Variants in LRP1B observed in about 807,000 individuals in gnomAD.
LRP1B encodes the protein low-density lipoprotein receptor-related protein 1B.
LRP1B carries 217 observed loss-of-function variants against 556.6 expected under a neutral mutation model. That is an observed-to-expected ratio of 0.39 (90% CI 0.35 to 0.44). The LOEUF (loss-of-function observed/expected upper bound fraction) is 0.44. Ranked by LOEUF, LRP1B falls within the 20% of genes least tolerant of loss-of-function variation. LRP1B has a pLI of 1.00. For synonymous variants in LRP1B, 2,047 were observed against 1,865.8 expected, an observed-to-expected ratio of 1.10 and a Z score of -2.50; for missense variants, 5,053 against 5,620.8, an observed-to-expected ratio of 0.90 and a Z score of 3.23.
chr2:141,433,391 T>C (rs764729575), intron 3 of LRP1B, among the ~76,000 whole-genome samples: 12 of 152,098 alleles, frequency 7.9e-5, no homozygotes, highest in Non-Finnish European at 1.8e-4. Context: ...AAGTGTTCTA[T>C]AGATAATTGT....
chr2:141,206,005 T>C (rs77333999), intron 6 of LRP1B, among the ~76,000 whole-genome samples: 1 of 152,136 alleles, frequency 6.6e-6, no homozygotes, highest in Non-Finnish European at 1.5e-5. Context: ...CTGGGCCTAA[T>C]GAGGCACCTT....
chr2:142,019,554 G>T (rs1388969970), intron 1 of LRP1B, among the ~76,000 whole-genome samples: 1 of 152,074 alleles, frequency 6.6e-6, no homozygotes, highest in African/African-American at 2.4e-5. Flanking sequence ...ACACTCTATT[G>T]CTTCCCACTT....
In LRP1B at chr2:141,967,964, G is replaced by C. The variant is rs150646873; in HGVS notation, c.83-157563C>G. 3.0e-3 allele frequency among the ~76,000 whole-genome samples: 450 copies of C among 151,864 alleles called. 9 individuals carry two copies. The highest frequency in any genetic ancestry group is 0.026 in the Admixed American group (397 of 15,176). On this transcript the variant is annotated intron_variant, in intron 1 of 90. Transcript: ENST00000389484. ...CCTTAGTCTTAAATTTTTAAAAAAAGTATTAAATCAGAAGAACAAAAATGT... is the reference window on the plus strand; with the variant it reads ...CCTTAGTCTTAAATTTTTAAAAAAACTATTAAATCAGAAGAACAAAAATGT...
chr2:140,407,927 C>A (rs1366843410), intron 66 of LRP1B, among the ~76,000 whole-genome samples: 2 of 151,928 alleles, frequency 1.3e-5, no homozygotes, highest in African/African-American at 4.8e-5. Flanking sequence ...TGGAACCAAT[C>A]TATGTGTCCA....
chr2:140,815,242 C>T (rs958664616), intron 31 of LRP1B, among the ~76,000 whole-genome samples: 7 of 151,998 alleles, frequency 4.6e-5, no homozygotes, highest in African/African-American at 1.4e-4. Context: ...TAATAATTCT[C>T]AACTACAGGG....
intron 84 of LRP1B, among the ~76,000 whole-genome samples, chr2:140,282,130 A>G (rs1400888309): frequency 6.6e-6 from 1 of 151,822 alleles, no homozygotes; most frequent in Non-Finnish European, 1.5e-5. Flanking sequence ...GAACTGAGGC[A>G]GTTACATTAA....
intron 1 of LRP1B, among the ~76,000 whole-genome samples, chr2:142,115,850 A>AT (rs1559080674): frequency 0.068 from 730 of 10,690 alleles, 342 homozygotes; most frequent in Non-Finnish European, 0.089. Context: ...TAATATATAT[A>AT]TATACATATA....
intron 3 of LRP1B, among the ~76,000 whole-genome samples, chr2:141,336,447 T>C (rs1687853296): frequency 6.6e-6 from 1 of 152,212 alleles, no homozygotes; most frequent in Non-Finnish European, 1.5e-5. Context: ...GTCAGAATCA[T>C]TGAAGTCTTC....
At chr2:140,577,839 G>A (rs1237371201) in intron 43 of LRP1B, among the ~76,000 whole-genome samples, 1 of 152,030 alleles carries the variant, frequency 6.6e-6, no homozygotes, top group African/African-American at 2.4e-5. Context: ...ATATATAGTG[G>A]CAGGAAAAAT....
At chr2:141,578,412 G>A (rs796112238) in intron 2 of LRP1B, among the ~76,000 whole-genome samples, 28 of 139,760 alleles carry the variant, frequency 2.0e-4, no homozygotes, top group Middle Eastern at 3.7e-3. Context: ...AAAAAAAAAA[G>A]AAAAAAAGAA....
At chr2:141,234,541 T>G (rs1359491518) in intron 5 of LRP1B, among the ~76,000 whole-genome samples, 1 of 151,988 alleles carries the variant, frequency 6.6e-6, no homozygotes, top group African/African-American at 2.4e-5. Context: ...CATGCCCGAT[T>G]AATTTTTGTA....
intron 41 of LRP1B, among the ~76,000 whole-genome samples, chr2:140,647,531 G>C (rs990915356): frequency 3.9e-5 from 6 of 152,128 alleles, no homozygotes; most frequent in African/African-American, 1.2e-4. Flanking sequence ...CAGCAGGCAT[G>C]AAACAGGGCT....
rs539888984 is a variant in LRP1B, at chr2:140,600,145, A to T, written c.6989+1305T>A. Among the ~76,000 whole-genome samples the T allele has an allele frequency of 1.5e-4, 23 of 152,280 alleles. 1 individual carries two copies. In the South Asian group the frequency reaches 4.8e-3, roughly 32 times the overall value. On this transcript the variant is annotated intron_variant, in intron 42 of 90. Transcript: ENST00000389484. Reference sequence around the variant, plus strand: ...ATAAAACACTTGCTAATTAAAACTCATCATATATAATATCATGAGTGACTG... The same window carrying T: ...ATAAAACACTTGCTAATTAAAACTCTTCATATATAATATCATGAGTGACTG...
At chr2:140,806,183 C>A (rs1690707179) in intron 32 of LRP1B, among the ~76,000 whole-genome samples, 1 of 152,146 alleles carries the variant, frequency 6.6e-6, no homozygotes. Flanking sequence ...TGATCTCAGA[C>A]TTCCAGCCTC....
intron 20 of LRP1B, among the ~76,000 whole-genome samples, chr2:140,933,077 TG>T (rs1278763009): frequency 6.6e-6 from 1 of 152,044 alleles, no homozygotes; most frequent in Non-Finnish European, 1.5e-5. Context: ...AAAAAGGTTT[TG>T]GATGTACATT....
At chr2:140,852,357 A>G (rs537752185) in intron 27 of LRP1B, among the ~76,000 whole-genome samples, 4 of 152,298 alleles carry the variant, frequency 2.6e-5, no homozygotes, top group African/African-American at 9.6e-5. Context: ...AGACGTCAAG[A>G]CTTTTTAAGG....
chr2:140,480,804 AG>A (rs1262087735), intron 59 of LRP1B, among the ~76,000 whole-genome samples: 5 of 152,220 alleles, frequency 3.3e-5, no homozygotes, highest in Non-Finnish European at 7.3e-5. Context: ...TTTTAAAATA[AG>A]GCATGCTGGT....
intron 84 of LRP1B, among the ~76,000 whole-genome samples, chr2:140,280,917 G>A (rs569861544): frequency 1.3e-5 from 2 of 151,860 alleles, no homozygotes; most frequent in African/African-American, 4.8e-5. Context: ...TATAACCTCT[G>A]TTAGGGTAAT....
intron 7 of LRP1B, among the ~76,000 whole-genome samples, chr2:141,162,134 C>T (rs1680062922): frequency 6.6e-6 from 1 of 152,060 alleles, no homozygotes; most frequent in Non-Finnish European, 1.5e-5. Flanking sequence ...CAGGTTGCCA[C>T]TGGTCCAGAA....
Sources: allele counts gnomAD v4.1 joint callset (sites outside exome capture counted in the v4.1 genomes callset), GRCh38; gene constraint gnomAD v4.1.1; transcripts MANE v1.5; gene names NCBI Gene and HGNC (gene_info 2026-07-23, HGNC 2026-07-21).